WDR97: variants seen among roughly 807,000 people sequenced by gnomAD.
WDR97 encodes WD repeat domain 97.
WDR97 carries 111 observed loss-of-function variants against 65.4 expected under a neutral mutation model. That is an observed-to-expected ratio of 1.70 (90% CI 1.45 to 1.99). WDR97 has a LOEUF of 1.99. Ranked by LOEUF, WDR97 falls within the 30% of genes most tolerant of loss-of-function variation. The pLI, the probability that WDR97 is intolerant of heterozygous loss-of-function variation, is 0.00. For missense variants in WDR97, 1,674 were observed against 865.0 expected (o/e 1.94, Z -11.73); for synonymous variants, 802 against 397.7 (o/e 2.02, Z -12.10).
intron 18 of WDR97, 28 bp downstream of exon 18, chr8:144,114,190 A>G (rs1170752752): frequency 1.0e-5 from 7 of 700,452 alleles, no homozygotes; most frequent in Admixed American, 6.0e-5. Flanking sequence ...ATGCATGAGA[A>G]GCATGGGTTA....
chr8:144,113,792 G>A lies in WDR97; in HGVS notation c.3319G>A (p.Glu1107Lys), dbSNP rs2130099297. The A allele has an allele frequency of 4.3e-6, 3 of 702,948 alleles. No homozygotes were observed. The highest frequency in any genetic ancestry group is 5.2e-6 in the Non-Finnish European group (2 of 384,896). 43.5% of individuals were successfully genotyped at this position (702,948 alleles called of 1,614,324 possible). A position where few individuals can be genotyped will look rare whatever the true frequency, so the allele number is the denominator to read the frequency against. ...GGAAGACAAGAAGGAAGAGGAGGAGGAGAAGGAAGACGAGGAGCTGGACTG... is the reference window on the plus strand; with the variant it reads ...GGAAGACAAGAAGGAAGAGGAGGAGAAGAAGGAAGACGAGGAGCTGGACTG... ...GEEDKKEEEE[E>K]KEDEELDWAL... Residue 1107 changes from glutamate (E) to lysine (K), a missense_variant, in exon 17 of 24, where the codon GAG (glutamate) becomes AAG (lysine). By Grantham distance (56) the Glu-to-Lys change is moderately conservative (BLOSUM62 1). Transcript: ENST00000323662.
In WDR97 at chr8:144,109,866, T is replaced by A. The variant is rs1363089796; in HGVS notation, c.1532T>A (p.Leu511Gln). ...GCGGCGCGCTGCCCCATGAGCGTGC[T>A]GCACCGCGTGTGCCCGCCGCCGCCC... is the stretch of plus-strand genomic sequence containing the variant. ...ANAARCPMSV[L>Q]HRVCPPPPPA... Residue 511 changes from leucine (L) to glutamine (Q), a missense_variant, in exon 5 of 24, where the codon CTG becomes CAG. Physicochemically the swap from Leu to Gln is moderately radical, Grantham distance 113. Transcript: ENST00000323662. 2 of 700,208 alleles carry A rather than the reference T, an allele frequency of 2.9e-6. No homozygotes were observed. The highest frequency in any genetic ancestry group is 3.5e-5 in the African/African-American group (2 of 57,082). The allele number at this position is 700,208 out of a possible 1,614,324, so 43.4% of individuals were successfully genotyped here. A position where few individuals can be genotyped will look rare whatever the true frequency, so the allele number is the denominator to read the frequency against.
chr8:144,114,516 C>T, intron 19 of WDR97, 38 bp from the exon 20 acceptor site: 3 of 702,462 alleles, frequency 4.3e-6, no homozygotes, highest in Non-Finnish European at 5.2e-6. Flanking sequence ...TCCCCGCCCA[C>T]CGGCCCTCAG....
In WDR97 at chr8:144,108,718, A is replaced by G. The variant is rs72695434; in HGVS notation, c.652A>G (p.Ser218Gly). Residue 218 changes from serine to glycine, a missense_variant, in exon 3 of 24, where the codon AGC (serine) becomes GGC (glycine). Ser to Gly is a moderately conservative substitution (Grantham distance 56). Coordinates refer to ENST00000323662, the MANE Select transcript of WDR97 (RefSeq NM_001316309.2). ...GCTGCTGCTCGTTGCGGAGATGAAC[A>G]GCAGCCTGGCGCTCTGGCAGTTCCG... ...LRLLLVAEMNSSLALWQFRSG... is the reference protein window; with the variant it reads ...LRLLLVAEMNGSLALWQFRSG... The G allele has an allele frequency of 0.034, 23,660 of 701,126 alleles. 496 individuals are homozygous for G. The highest frequency in any genetic ancestry group is 0.045 in the Non-Finnish European group (17,299 of 384,564). The allele number at this position is 701,126 out of a possible 1,614,324, so 43.4% of individuals were successfully genotyped here. A position where few individuals can be genotyped will look rare whatever the true frequency, so the allele number is the denominator to read the frequency against.
rs1426858652 is a variant in WDR97 at position 144,118,113 on chromosome 8, T to A, written c.*1820T>A. 1 of 152,158 alleles carries A rather than the reference T, an allele frequency of 6.6e-6. No homozygotes were observed. The highest frequency in any genetic ancestry group is 2.4e-5 in the African/African-American group (1 of 41,446). The allele number at this position is 152,158 out of a possible 1,614,324, so 9.4% of individuals were successfully genotyped here. The stretch of plus-strand genomic sequence containing the variant: ...GGATGGAAACCAATGACAGATATCA[T>A]AATATCACACCCACACATCAGGCAA... On this transcript the variant is annotated 3_prime_UTR_variant, in exon 24 of 24. Coordinates refer to ENST00000323662, the MANE Select transcript of WDR97 (RefSeq NM_001316309.2).
chr8:144,115,703 C>T lies in WDR97; in HGVS notation c.4440C>T (p.Asp1480=). The T allele has an allele frequency of 1.4e-6, 1 of 701,530 alleles. No individual in the cohort carries two copies. Among genetic ancestry groups the T allele is most frequent in the Non-Finnish European group, 2.6e-6 (1 of 384,448 alleles). The allele number at this position is 701,530 out of a possible 1,614,324, so 43.5% of individuals were successfully genotyped here. ...ACTGGTCGCACTCGCAGCTGCTGGA[C>T]TTGGGCCCCATCGACGCGCTCAACT... ...ETDWSHSQLL[D]LGPIDALNFF... Residue 1480 remains aspartate (D), a synonymous_variant, in exon 22 of 24, where the codon GAC becomes GAT. Transcript: ENST00000323662.
Position 144,111,064 on chromosome 8 carries a change from C to T in WDR97, c.2305-37C>T, listed in dbSNP as rs1836538017. 3 of 702,576 alleles carry T rather than the reference C, an allele frequency of 4.3e-6. No individual in the cohort carries two copies. The South Asian group carries it at 4.4e-5, about 10-fold the overall frequency. 43.5% of individuals were successfully genotyped at this position (702,576 alleles called of 1,614,324 possible). On this transcript the variant is annotated intron_variant, in intron 9 of 23. Coordinates refer to ENST00000323662, the MANE Select transcript of WDR97 (RefSeq NM_001316309.2). ...TCACCTTGGGGGGCAGACCCAGGTTCCCCCAGCCAGGGATACAGGCTCCTT... is the reference window on the plus strand; with the variant it reads ...TCACCTTGGGGGGCAGACCCAGGTTTCCCCAGCCAGGGATACAGGCTCCTT...
chr8:144,110,498 C>G lies in WDR97; in HGVS notation c.2001C>G (p.Tyr667Ter). ...AGFEDPDSAT[Y>*]GLVQFGLGDS... The stretch of plus-strand genomic sequence containing the variant: ...TTGAGGACCCAGACAGCGCTACCTA[C>G]GGCCTGGTGCAGTTTGGCCTGGGCG... Residue 667 changes from tyrosine to a stop codon, truncating the protein, a stop_gained, in exon 7 of 24, where the codon TAC (tyrosine) becomes TAG (stop). Coordinates refer to ENST00000323662, the MANE Select transcript of WDR97 (RefSeq NM_001316309.2). LOFTEE classifies it high-confidence loss of function. The G allele has an allele frequency of 1.4e-6, 1 of 702,994 alleles. No homozygotes were observed. Among genetic ancestry groups the G allele is most frequent in the East Asian group, 2.7e-5 (1 of 37,278 alleles). The allele number at this position is 702,994 out of a possible 1,614,324, so 43.5% of individuals were successfully genotyped here.
rs1408799079 is a variant in WDR97, at chr8:144,114,446, C to T, written c.3763C>T (p.Leu1255Phe). 3 of 702,828 alleles carry T rather than the reference C, an allele frequency of 4.3e-6. No homozygotes were observed. Among genetic ancestry groups the T allele is most frequent in the Non-Finnish European group, 2.6e-6 (1 of 384,954 alleles). 43.5% of individuals were successfully genotyped at this position (702,828 alleles called of 1,614,324 possible). Residue 1255 changes from leucine (L) to phenylalanine (F), a missense_variant, in exon 19 of 24, where the codon CTC becomes TTC. Transcript: ENST00000323662. ...GCTGCAGGGCCTGCTCGTACACTTG[C>T]TCAACCTGGACCAGCCCCCCAGCCT... ...GQLQGLLVHL[L>F]NLDQPPSLQD...
At chr8:144,108,980 AG>A (rs952663175) in intron 3 of WDR97, 36 bp downstream of exon 3, 2 of 702,922 alleles carry the variant, frequency 2.8e-6, no homozygotes, top group Non-Finnish European at 5.2e-6. Context: ...CCAGGCATGT[AG>A]GGGCACACGG....
rs528426645 is a variant in WDR97, at chr8:144,114,626, G to A, written c.3865G>A (p.Val1289Met). 60 of 702,768 alleles carry A rather than the reference G, an allele frequency of 8.5e-5. No homozygotes were observed. Among genetic ancestry groups the A allele is most frequent in the Middle Eastern group, 2.3e-4 (1 of 4,392 alleles). The allele number at this position is 702,768 out of a possible 1,614,324, so 43.5% of individuals were successfully genotyped here. The change falls in exon 20 of 24, where the codon GTG becomes ATG. Residue 1289 changes from valine to methionine, a missense_variant. Physicochemically the swap from Val to Met is conservative, Grantham distance 21 (BLOSUM62 1). Coordinates refer to ENST00000323662, the MANE Select transcript of WDR97 (RefSeq NM_001316309.2). Reference sequence around the variant, plus strand: ...GGCCTGCTCCCTGGAGTCCCGGGATGTGGTGCTGGAGCTCATGTCCTACTT... The same window carrying A: ...GGCCTGCTCCCTGGAGTCCCGGGATATGGTGCTGGAGCTCATGTCCTACTT... The part of the protein sequence containing the change: ...LLACSLESRD[V>M]VLELMSYFLY...
chr8:144,111,024 G>T (rs184435169), intron 9 of WDR97, 28 bp downstream of exon 9: 223 of 702,484 alleles, frequency 3.2e-4, no homozygotes, highest in Middle Eastern at 2.3e-3. Flanking sequence ...AGTGAGCAAG[G>T]TGGGCCCCCC....
chr8:144,113,577 C>T (rs1836589924), intron 16 of WDR97, 60 bp downstream of exon 16: 5 of 680,280 alleles, frequency 7.3e-6, no homozygotes, highest in African/African-American at 3.5e-5. Context: ...AGGCAAGGGG[C>T]AGGGCTGGGG....
chr8:144,107,955 G>A (rs958948720), intron 1 of WDR97, 93 bp downstream of exon 1: 17 of 701,420 alleles, frequency 2.4e-5, no homozygotes, highest in Non-Finnish European at 4.2e-5. Context: ...AACTCCCCTG[G>A]GCAGTCCCTG....
chr8:144,113,594 C>T, intron 16 of WDR97, 63 bp from the exon 17 acceptor site: 1 of 665,660 alleles, frequency 1.5e-6, no homozygotes, highest in Non-Finnish European at 2.8e-6. Context: ...GGGGGTTTTG[C>T]CGGCAGGGGA....
In WDR97 at chr8:144,116,431, C is replaced by T. The variant is rs1298730349; in HGVS notation, c.*138C>T. On this transcript the variant is annotated 3_prime_UTR_variant, in exon 24 of 24. Coordinates refer to ENST00000323662, the MANE Select transcript of WDR97 (RefSeq NM_001316309.2). ...TTGGAGGGCCCCGGGGTGCGCACGG[C>T]GTGTGGGCGTGCGGCCTGAACCCAC... The T allele has an allele frequency of 7.4e-6, 4 of 537,502 alleles. No individual in the cohort carries two copies. Among genetic ancestry groups the T allele is most frequent in the Non-Finnish European group, 1.3e-5 (4 of 305,206 alleles). 33.3% of individuals were successfully genotyped at this position (537,502 alleles called of 1,614,324 possible).
rs1408769627 is a variant in WDR97 at position 144,108,084 on chromosome 8, G to A, written c.138G>A (p.Gln46=). The A allele has an allele frequency of 1.4e-6, 1 of 702,818 alleles. No homozygotes were observed. Among genetic ancestry groups the A allele is most frequent in the South Asian group, 1.5e-5 (1 of 67,606 alleles). The allele number at this position is 702,818 out of a possible 1,614,324, so 43.5% of individuals were successfully genotyped here. A position where few individuals can be genotyped will look rare whatever the true frequency, so the allele number is the denominator to read the frequency against. ...KNELTFTEPS[Q]VLPFLTSSQQ... ...AGTTGACTTTCACGGAGCCGTCGCAGGTCCTGCCCTTTTTGACCAGCAGCC... is the reference window on the plus strand; with the variant it reads ...AGTTGACTTTCACGGAGCCGTCGCAAGTCCTGCCCTTTTTGACCAGCAGCC... The change falls in exon 2 of 24, where the codon CAG becomes CAA. Residue 46 remains glutamine (Q), a synonymous_variant. Transcript: ENST00000323662.
Position 144,109,693 on chromosome 8 carries a change from C to T in WDR97, c.1359C>T (p.Gly453=), listed in dbSNP as rs1364294291. ...GCCTCGTGTGCGCGTGCGCCGACGG[C>T]TCGGTCTACCTCCTGTCGGCGGCCA... ...PTRLVCACAD[G]SVYLLSAATG... Residue 453 remains glycine (G), a synonymous_variant, in exon 5 of 24, where the codon GGC becomes GGT. Transcript: ENST00000323662. 1.5e-6 allele frequency: 1 copy of T among 672,336 alleles called. No homozygotes were observed. The highest frequency in any genetic ancestry group is 2.2e-5 in the Admixed American group (1 of 46,326). The allele number at this position is 672,336 out of a possible 1,614,324, so 41.6% of individuals were successfully genotyped here.
chr8:144,114,637 G>A lies in WDR97; in HGVS notation c.3876G>A (p.Glu1292=), dbSNP rs2130108544. 2 of 702,866 alleles carry A rather than the reference G, an allele frequency of 2.8e-6. No homozygotes were observed. Among genetic ancestry groups the A allele is most frequent in the East Asian group, 2.7e-5 (1 of 37,298 alleles). The allele number at this position is 702,866 out of a possible 1,614,324, so 43.5% of individuals were successfully genotyped here. The change falls in exon 20 of 24, where the codon GAG becomes GAA. Residue 1292 remains glutamate (E), a synonymous_variant. Coordinates refer to ENST00000323662, the MANE Select transcript of WDR97 (RefSeq NM_001316309.2). ...TGGAGTCCCGGGATGTGGTGCTGGA[G>A]CTCATGTCCTACTTCCTCTACTCTC... ...CSLESRDVVL[E]LMSYFLYSPV... is the part of the protein sequence containing the mutation.
Sources: gnomAD v4.1 joint callset for allele counts on GRCh38, gnomAD v4.1.1 for gene constraint, MANE v1.5 for transcripts, NCBI Gene and HGNC (gene_info 2026-07-23, HGNC 2026-07-21) for gene names.